Variants in BTD observed in about 807,000 individuals in gnomAD.
BTD encodes the protein biotinidase.
In BTD, 13 loss-of-function variants were observed where a neutral mutation model predicts 17.7. The observed-to-expected ratio is 0.74, with a 90% CI of 0.48 to 1.17. BTD has a LOEUF of 1.17. BTD is among the 50% of genes most tolerant of loss of function. BTD has a pLI of 0.00. For missense variants in BTD, 674 were observed against 650.4 expected (o/e 1.04, Z -0.39); for synonymous variants, 240 against 245.2 (o/e 0.98, Z 0.20).
intron 1 of BTD, among the ~76,000 whole-genome samples, chr3:15,616,293 A>G (rs2064788766): frequency 6.6e-6 from 1 of 152,138 alleles, no homozygotes; most frequent in African/African-American, 2.4e-5. Flanking sequence ...CTGTTGCTCT[A>G]TATTCTCAAC....
At chr3:15,663,565 CTTT>C (rs1489938222) in intron 3 of BTD, among the ~76,000 whole-genome samples, 3 of 152,134 alleles carry the variant, frequency 2.0e-5, no homozygotes, top group African/African-American at 7.2e-5. Context: ...GGCAAATTGT[CTTT>C]TAAGATCCAT....
At chr3:15,720,884 A>G in intron 4 of BTD, 1 of 1,592,010 alleles carries the variant, frequency 6.3e-7, no homozygotes. Flanking sequence ...TGACATATGA[A>G]ATACTTATAG....
At chr3:15,677,180 C>T (rs2067026085) in intron 3 of BTD, 1 of 768,206 alleles carries the variant, frequency 1.3e-6, no homozygotes. Flanking sequence ...ATGAATTTTC[C>T]TGGCTAATAT....
At chr3:15,721,235 C>T (rs567443952) in intron 4 of BTD, 62 of 894,224 alleles carry the variant, frequency 6.9e-5, no homozygotes, top group Admixed American at 5.2e-4. Flanking sequence ...AAGTGAGAAA[C>T]GGAGACAAGA....
intron 1 of BTD, among the ~76,000 whole-genome samples, chr3:15,630,911 C>A (rs1230472757): frequency 6.6e-6 from 1 of 151,968 alleles, no homozygotes; most frequent in East Asian, 1.9e-4. Context: ...TTCCAGGGGC[C>A]GGTCACGGAC....
intron 3 of BTD, among the ~76,000 whole-genome samples, chr3:15,699,919 TAA>T (rs939686608): frequency 6.6e-6 from 1 of 152,192 alleles, no homozygotes; most frequent in African/African-American, 2.4e-5. Flanking sequence ...CATGCTGCTA[TAA>T]AGACACATGC....
At chr3:15,640,616 C>T (rs1175090486) in intron 2 of BTD, among the ~76,000 whole-genome samples, 2 of 152,086 alleles carry the variant, frequency 1.3e-5, no homozygotes, top group South Asian at 4.1e-4. Context: ...GTCTTGAACT[C>T]CTGAGCTCAG....
intron 3 of BTD, among the ~76,000 whole-genome samples, chr3:15,706,258 A>G (rs1005257345): frequency 6.6e-6 from 1 of 150,900 alleles, no homozygotes; most frequent in African/African-American, 2.4e-5. Flanking sequence ...ACCCCATGAC[A>G]GGCCCCGGTG....
At chr3:15,712,144 A>C in exon 4 of BTD, 1 of 1,572,880 alleles carries the variant, frequency 6.4e-7, no homozygotes, top group Non-Finnish European at 8.6e-7. Flanking sequence ...ACTTACCTGA[A>C]GAAAGAAGTT....
At chr3:15,717,502 T>G (rs147334928), downstream of BTD, among the ~76,000 whole-genome samples, 432 of 150,922 alleles carry the variant, frequency 2.9e-3, 2 homozygotes, top group Middle Eastern at 0.01. Context: ...CAAATCACTT[T>G]AGCAGAAAAC....
intron 3 of BTD, among the ~76,000 whole-genome samples, chr3:15,677,813 A>C (rs9879240): frequency 0.041 from 6,276 of 152,244 alleles, 418 homozygotes; most frequent in African/African-American, 0.14. Context: ...CTAAATTTTA[A>C]ATACTGTTTT....
rs2065780959 is a variant in BTD, at chr3:15,650,338, A to G, written c.*4850A>G. The stretch of plus-strand genomic sequence containing the variant: ...TGCACCGTTAAAAATGAAATTACCA[A>G]TATATGAACTCTAGGCATCATGCAT... On this transcript the variant is annotated 3_prime_UTR_variant, in exon 4 of 4. Transcript: ENST00000643237. 6.6e-6 allele frequency among the ~76,000 whole-genome samples: 1 copy of G among 152,234 alleles called. No individual in the cohort carries two copies. Among genetic ancestry groups the G allele is most frequent in the Admixed American group, 6.5e-5 (1 of 15,284 alleles).
chr3:15,686,124 G>T, intron 3 of BTD: 1 of 1,611,238 alleles, frequency 6.2e-7, no homozygotes, highest in Non-Finnish European at 8.5e-7. Context: ...GGCGTCCTGA[G>T]CAACAACAGG....
Position 15,651,996 on chromosome 3 carries a change from G to A in BTD, c.*6508G>A, listed in dbSNP as rs2065812480. ...CGTTTTGTGTAACCAATAAAATATG[G>A]CAGATGCGATGGCATGTTACTTCTG... On this transcript the variant is annotated 3_prime_UTR_variant, in exon 4 of 4. Coordinates refer to ENST00000643237, the MANE Select transcript of BTD (RefSeq NM_001370658.1). Among the ~76,000 whole-genome samples, 1 of 152,162 alleles carries A rather than the reference G, an allele frequency of 6.6e-6. No homozygotes were observed. Among genetic ancestry groups the A allele is most frequent in the African/African-American group, 2.4e-5 (1 of 41,426 alleles).
At chr3:15,692,376 G>A (rs768269782) in intron 3 of BTD, among the ~76,000 whole-genome samples, 5 of 152,164 alleles carry the variant, frequency 3.3e-5, no homozygotes, top group Non-Finnish European at 5.9e-5. Flanking sequence ...CTGGAGCTCA[G>A]GAATTCAAGA....
chr3:15,602,688 G>A (rs73030389), intron 1 of BTD, among the ~76,000 whole-genome samples: 8,399 of 152,146 alleles, frequency 0.055, 321 homozygotes, highest in East Asian at 0.15. Flanking sequence ...TGAGTGAGAA[G>A]CACTGGAAGT....
At chr3:15,670,647 A>G (rs2066243373) in intron 3 of BTD, 1 of 1,198,760 alleles carries the variant, frequency 8.3e-7, no homozygotes, top group Non-Finnish European at 1.2e-6. Context: ...TCAACTTTAG[A>G]CATATTTTAC....
In BTD at chr3:15,645,836, GT is replaced by G. The variant is rs1199838348; in HGVS notation, c.*365del. On this transcript the variant is annotated 3_prime_UTR_variant, in exon 4 of 4. Coordinates refer to ENST00000643237, the MANE Select transcript of BTD (RefSeq NM_001370658.1). The stretch of plus-strand genomic sequence containing the variant: ...CACATCCACAAAGCAGTGGCTTGGG[GT>G]TTTTTTTTTTTTTTTTATCTTGTTG... 10,128 of 151,250 alleles carry G rather than the reference GT, an allele frequency of 0.067. 291 individuals carry two copies. The highest frequency in any genetic ancestry group is 0.13 in the African/African-American group (4,529 of 35,226). 9.4% of individuals were successfully genotyped at this position (151,250 alleles called of 1,614,324 possible).
At chr3:15,674,091 G>A (rs2066656751) in intron 3 of BTD, among the ~76,000 whole-genome samples, 1 of 137,462 alleles carries the variant, frequency 7.3e-6, no homozygotes, top group Admixed American at 8.3e-5. Context: ...AGGTTCTCTT[G>A]AGCCCAGGAG....
Sources: allele counts gnomAD v4.1 joint callset (sites outside exome capture counted in the v4.1 genomes callset), GRCh38; gene constraint gnomAD v4.1.1; transcripts MANE v1.5; gene names NCBI Gene and HGNC (gene_info 2026-07-23, HGNC 2026-07-21).